The following EMCN variants were observed in gnomAD, a reference collection of about 807,000 sequenced individuals.
The protein encoded by EMCN is MUC-14.
In EMCN, 37 loss-of-function variants were observed where a neutral mutation model predicts 38.4. That is an observed-to-expected ratio of 0.96 (90% CI 0.74 to 1.27). EMCN has a LOEUF of 1.27. Among genes scored for constraint, EMCN ranks in the 50% most tolerant of loss-of-function variants. The pLI, the probability that EMCN is intolerant of heterozygous loss-of-function variation, is 0.00. For synonymous variants in EMCN, 95 were observed against 100.8 expected (o/e 0.94, Z 0.35); for missense variants, 318 against 302.8 (o/e 1.05, Z -0.37).
intron 4 of EMCN, among the ~76,000 whole-genome samples, chr4:100,461,353 G>T (rs963699829): frequency 3.2e-4 from 49 of 152,044 alleles, no homozygotes; most frequent in African/African-American, 9.9e-4. Context: ...GAGTATCACT[G>T]ATATTGAATT....
At chr4:100,511,487 G>A (rs906833144) in intron 1 of EMCN, among the ~76,000 whole-genome samples, 15 of 152,222 alleles carry the variant, frequency 9.9e-5, no homozygotes, top group African/African-American at 3.6e-4. Flanking sequence ...TCACATTTCA[G>A]TTGAGAAGTA....
At chr4:100,478,556 G>GA (rs1458180125) in intron 2 of EMCN, among the ~76,000 whole-genome samples, 1 of 152,066 alleles carries the variant, frequency 6.6e-6, no homozygotes, top group Non-Finnish European at 1.5e-5. Flanking sequence ...GAGTGAAACA[G>GA]AAAGAAGGCA....
chr4:100,419,851 G>T (rs1438667043), intron 8 of EMCN, among the ~76,000 whole-genome samples: 1 of 151,874 alleles, frequency 6.6e-6, no homozygotes, highest in Non-Finnish European at 1.5e-5. Flanking sequence ...TGCTGTTTTG[G>T]TCTCCTAGCT....
intron 1 of EMCN, among the ~76,000 whole-genome samples, chr4:100,516,769 C>T (rs1018188916): frequency 1.1e-4 from 17 of 151,872 alleles, no homozygotes; most frequent in African/African-American, 3.1e-4. Context: ...TATTTTCTTC[C>T]GACATTATCA....
chr4:100,423,995 G>T (rs1726974774), intron 5 of EMCN, among the ~76,000 whole-genome samples: 1 of 151,648 alleles, frequency 6.6e-6, no homozygotes, highest in Non-Finnish European at 1.5e-5. Flanking sequence ...TTTTTCACTA[G>T]CATCCGTGCT....
At chr4:100,468,253 G>C (rs556053421) in intron 3 of EMCN, among the ~76,000 whole-genome samples, 1 of 152,328 alleles carries the variant, frequency 6.6e-6, no homozygotes, top group South Asian at 2.1e-4. Context: ...ATAGGGCTGA[G>C]AGAAATGTGG....
intron 1 of EMCN, among the ~76,000 whole-genome samples, chr4:100,484,201 G>A (rs1448236579): frequency 6.6e-6 from 1 of 152,080 alleles, no homozygotes; most frequent in Non-Finnish European, 1.5e-5. Context: ...AAATAGTTCT[G>A]TATTCTCTGA....
intron 1 of EMCN, among the ~76,000 whole-genome samples, chr4:100,488,770 TTTCTC>T (rs1729002574): frequency 6.6e-6 from 1 of 152,176 alleles, no homozygotes; most frequent in Non-Finnish European, 1.5e-5. Context: ...TTATTTTTCT[TTTCTC>T]TAAATGTAAA....
In EMCN at chr4:100,425,799, C is replaced by T. The variant is rs1438654502; in HGVS notation, c.416-2395G>A. Among the ~76,000 whole-genome samples the T allele has an allele frequency of 3.3e-5, 5 of 152,216 alleles. No homozygotes were observed. In the East Asian group the frequency reaches 7.7e-4, roughly 23 times the overall value. On this transcript the variant is annotated intron_variant, in intron 5 of 11. Transcript: ENST00000296420. Reference sequence around the variant, plus strand: ...ATGAAAAATATATGAACTTCAGCCACTTCTGTGTTTTCACATGCTTCTTTG... The same window carrying T: ...ATGAAAAATATATGAACTTCAGCCATTTCTGTGTTTTCACATGCTTCTTTG...
chr4:100,410,583 G>A (rs959329966), intron 10 of EMCN, among the ~76,000 whole-genome samples: 3 of 152,122 alleles, frequency 2.0e-5, no homozygotes, highest in Admixed American at 6.5e-5. Context: ...ATGAAGTCCT[G>A]GGTGGGATAG....
At chr4:100,473,393 T>G (rs1021586077) in intron 3 of EMCN, among the ~76,000 whole-genome samples, 5 of 141,938 alleles carry the variant, frequency 3.5e-5, no homozygotes, top group Non-Finnish European at 4.6e-5. Context: ...TTTGTTTTTT[T>G]TTTTGCTAAT....
intron 4 of EMCN, among the ~76,000 whole-genome samples, chr4:100,459,662 G>A (rs1019359411): frequency 6.6e-5 from 10 of 152,096 alleles, no homozygotes; most frequent in Non-Finnish European, 1.5e-5. Context: ...CCACATGTAA[G>A]GGAAAACTTG....
intron 5 of EMCN, among the ~76,000 whole-genome samples, chr4:100,425,321 C>T (rs1727015642): frequency 7.0e-6 from 1 of 143,846 alleles, no homozygotes. Flanking sequence ...CTTTCTGTGA[C>T]TAAGATGCGG....
At chr4:100,498,601 C>G (rs1026508327) in intron 1 of EMCN, among the ~76,000 whole-genome samples, 2 of 152,076 alleles carry the variant, frequency 1.3e-5, no homozygotes, top group African/African-American at 4.8e-5. Flanking sequence ...CCTGCCTCAG[C>G]CTCTTGAGTA....
intron 3 of EMCN, among the ~76,000 whole-genome samples, chr4:100,466,797 G>A (rs1046757308): frequency 6.6e-6 from 1 of 152,190 alleles, no homozygotes; most frequent in Admixed American, 6.5e-5. Flanking sequence ...GGAACTCCTG[G>A]GGGTAAAGAT....
chr4:100,501,566 G>C (rs1177225381), intron 1 of EMCN, among the ~76,000 whole-genome samples: 1 of 152,036 alleles, frequency 6.6e-6, no homozygotes. Context: ...GTTTTGTGCA[G>C]TTTTATACAA....
chr4:100,501,711 A>G (rs1263095350), intron 1 of EMCN, among the ~76,000 whole-genome samples: 5 of 152,036 alleles, frequency 3.3e-5, no homozygotes, highest in Non-Finnish European at 7.4e-5. Context: ...CTTTTATTAT[A>G]ATTATTTGTA....
intron 5 of EMCN, among the ~76,000 whole-genome samples, chr4:100,430,288 C>T (rs1474911105): frequency 2.6e-5 from 4 of 152,118 alleles, no homozygotes; most frequent in Admixed American, 6.6e-5. Flanking sequence ...TTTGAATGCA[C>T]GCTCTAGAGT....
At chr4:100,432,120 GA>G (rs1159452600) in intron 5 of EMCN, among the ~76,000 whole-genome samples, 1 of 152,038 alleles carries the variant, frequency 6.6e-6, no homozygotes, top group East Asian at 1.9e-4. Context: ...TATCTTTAGG[GA>G]ATAAACAGCC....
Sources: allele counts gnomAD v4.1 joint callset (sites outside exome capture counted in the v4.1 genomes callset), GRCh38; gene constraint gnomAD v4.1.1; transcripts MANE v1.5; gene names NCBI Gene and HGNC (gene_info 2026-07-23, HGNC 2026-07-21).